Variants in PLCZ1 observed in about 807,000 individuals in gnomAD.
The protein encoded by PLCZ1 is 1-phosphatidylinositol 4,5-bisphosphate phosphodiesterase zeta-1.
Under a neutral mutation model 76.8 loss-of-function variants are expected in PLCZ1, and 64 were observed. That is an observed-to-expected ratio of 0.83 (90% CI 0.68 to 1.03). The LOEUF is 1.03. PLCZ1 is among the 50% of genes least tolerant of loss of function. The pLI is 0.00. For missense variants in PLCZ1, 751 were observed against 713.7 expected (o/e 1.05, Z -0.60); for synonymous variants, 248 against 230.8 (o/e 1.07, Z -0.68).
chr12:18,661,523 T>C, the PLCZ1 span, among the ~76,000 whole-genome samples: 1 of 152,024 alleles, frequency 6.6e-6, no homozygotes, highest in African/African-American at 2.4e-5. Context: ...CCTTCATAAA[T>C]AAGGGATAAA....
At chr12:18,696,958 A>T (rs1477000346) in intron 10 of PLCZ1, among the ~76,000 whole-genome samples, 1 of 152,116 alleles carries the variant, frequency 6.6e-6, no homozygotes, top group East Asian at 1.9e-4. Flanking sequence ...ATACACACAC[A>T]GTCTATTTTA....
Position 18,716,333 on chromosome 12 carries a change from T to G in PLCZ1, c.569+3098A>C, listed in dbSNP as rs536408319. ...CTCTTGCTACTTCTCTAGATAGTTTTAATTTTATCCATGGATCAAGTCAAC... is the reference window on the plus strand; with the variant it reads ...CTCTTGCTACTTCTCTAGATAGTTTGAATTTTATCCATGGATCAAGTCAAC... On this transcript the variant is annotated intron_variant, in intron 5 of 14. Coordinates refer to ENST00000266505, the MANE Select transcript of PLCZ1 (RefSeq NM_033123.4). Among the ~76,000 whole-genome samples, 10 of 152,280 alleles carry G rather than the reference T, an allele frequency of 6.6e-5. No individual in the cohort carries two copies. In the South Asian group the frequency reaches 1.7e-3, roughly 25 times the overall value.
chr12:18,677,324 G>A, the PLCZ1 span, among the ~76,000 whole-genome samples: 3 of 152,116 alleles, frequency 2.0e-5, no homozygotes, highest in East Asian at 5.8e-4. Context: ...ACACGACATA[G>A]GCTGAATCAG....
At chr12:18,691,398 C>A (rs1418049708) in intron 12 of PLCZ1, among the ~76,000 whole-genome samples, 1 of 151,980 alleles carries the variant, frequency 6.6e-6, no homozygotes, top group Non-Finnish European at 1.5e-5. Context: ...AAATCATGTC[C>A]AATTAAAGAC....
chr12:18,723,462 T>A lies in PLCZ1; in HGVS notation c.216A>T (p.Glu72Asp), dbSNP rs1958571119. The change falls in exon 4 of 15, where the codon GAA becomes GAT. Residue 72 changes from glutamate (E) to aspartate (D), a missense_variant. Transcript: ENST00000266505. The stretch of plus-strand genomic sequence containing the variant: ...AATATGTGTTGAAAATCTCAATAAT[T>A]TCTTCTCTGTGCGTGATAATTCGAT... Reference protein sequence around the residue: ...AIYRIITHREEIIEIFNTYSE... With the variant: ...AIYRIITHREDIIEIFNTYSE... The A allele has an allele frequency of 1.2e-6, 2 of 1,612,972 alleles. No homozygotes were observed. The highest frequency in any genetic ancestry group is 1.7e-5 in the Admixed American group (1 of 59,834).
chr12:18,723,672 G>T, intron 3 of PLCZ1, 130 bp from the exon 4 acceptor site: 1 of 828,136 alleles, frequency 1.2e-6, no homozygotes, highest in Non-Finnish European at 1.9e-6. Context: ...GATTCTTATT[G>T]AAGATAAAAT....
intron 9 of PLCZ1, 150 bp downstream of exon 9, chr12:18,701,351 A>G (rs1240111472): frequency 2.1e-6 from 3 of 1,400,186 alleles, no homozygotes; most frequent in Admixed American, 2.6e-5. Context: ...ATCTTCCACC[A>G]TCGATGTTTT....
Position 18,712,977 on chromosome 12 carries a change from C to T in PLCZ1, c.579G>A (p.Val193=), listed in dbSNP as rs749109340. Residue 193 remains valine (V), a synonymous_variant, in exon 6 of 15, where the codon GTG becomes GTA. Coordinates refer to ENST00000266505, the MANE Select transcript of PLCZ1 (RefSeq NM_033123.4). Reference sequence around the variant, plus strand: ...CAATCTCCAAACAACGGCATCCTTTCACAAGGGCACTAGCAAAATTTCAGC... The same window carrying T: ...CAATCTCCAAACAACGGCATCCTTTTACAAGGGCACTAGCAAAATTTCAGC... ...SDLWGYVSAL[V]KGCRCLEIDC... 3 of 1,613,884 alleles carry T rather than the reference C, an allele frequency of 1.9e-6. No homozygotes were observed. Among genetic ancestry groups the T allele is most frequent in the South Asian group, 1.1e-5 (1 of 91,080 alleles).
At chr12:18,648,027 G>T in the PLCZ1 span, 1 of 1,582,010 alleles carries the variant, frequency 6.3e-7, no homozygotes, top group South Asian at 1.2e-5. Flanking sequence ...AGTATAATTT[G>T]ACCATTGCTA....
the PLCZ1 span, among the ~76,000 whole-genome samples, chr12:18,650,712 CTATATATATATA>C: frequency 0.013 from 194 of 14,526 alleles, no homozygotes; most frequent in Non-Finnish European, 0.018. Flanking sequence ...GTGTATATAT[CTATATATATATA>C]TATATATATA....
At chr12:18,713,050 T>C in intron 5 of PLCZ1, 64 bp from the exon 6 acceptor site, 4 of 1,579,518 alleles carry the variant, frequency 2.5e-6, no homozygotes, top group Non-Finnish European at 3.5e-6. Context: ...ACCAAAGTAT[T>C]AAAATATTCC....
Position 18,708,107 on chromosome 12 carries a change from T to C in PLCZ1, c.715-2792A>G, listed in dbSNP as rs374378430. Among the ~76,000 whole-genome samples the C allele has an allele frequency of 3.9e-5, 6 of 152,342 alleles. No homozygotes were observed. In the East Asian group the frequency reaches 7.7e-4, roughly 20 times the overall value. On this transcript the variant is annotated intron_variant, in intron 6 of 14. Coordinates refer to ENST00000266505, the MANE Select transcript of PLCZ1 (RefSeq NM_033123.4). ...ATCCTCATATGATACATTAGATGTCTAGACTTTTTCATCCTACATATGTGC... is the reference window on the plus strand; with the variant it reads ...ATCCTCATATGATACATTAGATGTCCAGACTTTTTCATCCTACATATGTGC...
chr12:18,693,416 G>A, intron 12 of PLCZ1: 1 of 1,604,858 alleles, frequency 6.2e-7, no homozygotes, highest in Non-Finnish European at 8.5e-7. Flanking sequence ...ATTATGAAGA[G>A]ATGGGTATAA....
At chr12:18,691,006 T>A (rs140591057) in intron 12 of PLCZ1, among the ~76,000 whole-genome samples, 2 of 152,074 alleles carry the variant, frequency 1.3e-5, no homozygotes, top group South Asian at 4.1e-4. Flanking sequence ...AGAATAGATA[T>A]GGAGGACTGA....
intron 13 of PLCZ1, among the ~76,000 whole-genome samples, chr12:18,686,083 C>A (rs1197045262): frequency 6.6e-6 from 1 of 151,974 alleles, no homozygotes; most frequent in Non-Finnish European, 1.5e-5. Flanking sequence ...TCTTCTTGTC[C>A]AGCCATCTGG....
intron 6 of PLCZ1, among the ~76,000 whole-genome samples, chr12:18,711,268 G>A (rs1592196669): frequency 6.6e-6 from 1 of 150,584 alleles, no homozygotes; most frequent in East Asian, 2.0e-4. Context: ...ATCATTCTCA[G>A]CAAACTATCG....
At chr12:18,649,496 A>G in the PLCZ1 span, among the ~76,000 whole-genome samples, 1 of 152,134 alleles carries the variant, frequency 6.6e-6, no homozygotes, top group African/African-American at 2.4e-5. Context: ...TATGTCTCCC[A>G]TCAAAAAATT....
intron 12 of PLCZ1, among the ~76,000 whole-genome samples, chr12:18,691,734 T>G (rs1431669512): frequency 1.3e-5 from 2 of 152,146 alleles, no homozygotes. Flanking sequence ...AGTTAATTCT[T>G]TGCCAGACCT....
intron 13 of PLCZ1, 139 bp downstream of exon 13, chr12:18,687,950 A>G: frequency 9.0e-7 from 1 of 1,108,432 alleles, no homozygotes; most frequent in Non-Finnish European, 1.3e-6. Context: ...TGCATATAAC[A>G]TTTTGCTAAT....
Sources: gnomAD v4.1 joint callset for allele counts (sites outside exome capture counted in the v4.1 genomes callset) on GRCh38, gnomAD v4.1.1 for gene constraint, MANE v1.5 for transcripts, NCBI Gene and HGNC (gene_info 2026-07-23, HGNC 2026-07-21) for gene names.